Variants in MYT1L observed in about 807,000 individuals in gnomAD.
MYT1L encodes myelin transcription factor 1-like protein.
A neutral mutation model predicts 126.7 loss-of-function variants in MYT1L; 12 were observed. The ratio of observed to expected loss-of-function variants is 0.09; its 90% CI spans 0.06 to 0.15. The LOEUF is 0.15. Ranked by LOEUF, MYT1L falls within the 10% of genes least tolerant of loss-of-function variation. The probability of loss-of-function intolerance (pLI) is 1.00; values close to 1 mark genes in which losing one functional copy is unlikely to be tolerated. For missense variants in MYT1L, 979 were observed against 1,585.2 expected (o/e 0.62, Z 6.49); for synonymous variants, 541 against 604.2 (o/e 0.90, Z 1.53).
intron 11 of MYT1L, among the ~76,000 whole-genome samples, chr2:1,914,984 C>T (rs1461200107): frequency 6.6e-6 from 1 of 152,050 alleles, no homozygotes; most frequent in Non-Finnish European, 1.5e-5. Flanking sequence ...TTCTCCATCC[C>T]GCCTAGACCA....
intron 3 of MYT1L, among the ~76,000 whole-genome samples, chr2:2,141,688 A>G (rs946662403): frequency 6.6e-6 from 1 of 152,194 alleles, no homozygotes; most frequent in African/African-American, 2.4e-5. Flanking sequence ...AAGAGTGCTC[A>G]CTCTTTGAGG....
chr2:2,264,893 A>G (rs1313138037), intron 2 of MYT1L, among the ~76,000 whole-genome samples: 3 of 152,208 alleles, frequency 2.0e-5, no homozygotes, highest in Non-Finnish European at 4.4e-5. Flanking sequence ...ATGAATGTTA[A>G]AGGGGATGCA....
intron 1 of MYT1L, chr2:2,325,127 T>C (rs1478840045): frequency 6.6e-6 from 1 of 152,402 alleles, no homozygotes; most frequent in African/African-American, 2.4e-5. Flanking sequence ...ATTGATGTTA[T>C]GGTAAATTCA....
intron 3 of MYT1L, among the ~76,000 whole-genome samples, chr2:2,130,217 C>G (rs559702161): frequency 1.3e-5 from 2 of 152,028 alleles, no homozygotes; most frequent in Admixed American, 1.3e-4. Flanking sequence ...GCACGAGGAG[C>G]TGAGGTAATG....
At chr2:1,902,919 G>C in intron 14 of MYT1L, 161 bp downstream of exon 14, 3 of 648,286 alleles carry the variant, frequency 4.6e-6, no homozygotes, top group Non-Finnish European at 8.1e-6. Flanking sequence ...GTGTGGACCT[G>C]AGGGGCTTTC....
In MYT1L at chr2:1,791,380, T is replaced by C. The variant is rs892006881; in HGVS notation, c.*487A>G. 1 of 413,258 alleles carries C rather than the reference T, an allele frequency of 2.4e-6. No individual in the cohort carries two copies. The highest frequency in any genetic ancestry group is 4.9e-6 in the Non-Finnish European group (1 of 203,390). 25.6% of individuals were successfully genotyped at this position (413,258 alleles called of 1,614,324 possible). ...TGCACACAAAATGTATTTCTTAAAT[T>C]CCATAAAGTCCTCCAACATGAGGCA... On this transcript the variant is annotated 3_prime_UTR_variant, in exon 25 of 25. Coordinates refer to ENST00000647738, the MANE Select transcript of MYT1L (RefSeq NM_001303052.2). This position sits in a 1 kb window ranked among gnomAD's most constrained non-coding sequence, Gnocchi z 6.0.
chr2:2,080,602 T>C (rs1445022910), intron 3 of MYT1L, among the ~76,000 whole-genome samples: 2 of 152,154 alleles, frequency 1.3e-5, no homozygotes, highest in African/African-American at 4.8e-5. Context: ...GTTTGTCATC[T>C]GGGAAATGCA....
chr2:2,103,265 C>T (rs2078321466), intron 3 of MYT1L, among the ~76,000 whole-genome samples: 1 of 152,186 alleles, frequency 6.6e-6, no homozygotes, highest in Non-Finnish European at 1.5e-5. Context: ...AATTAATCAT[C>T]CTTGGTCACA....
At chr2:1,835,694 C>T (rs779115877) in intron 21 of MYT1L, among the ~76,000 whole-genome samples, 1 of 152,156 alleles carries the variant, frequency 6.6e-6, no homozygotes, top group African/African-American at 2.4e-5. Flanking sequence ...TGCTGGTCAC[C>T]GGGCAAACAC....
chr2:2,314,968 A>T (rs900389162), intron 1 of MYT1L, among the ~76,000 whole-genome samples: 4 of 152,232 alleles, frequency 2.6e-5, no homozygotes, highest in African/African-American at 9.6e-5. Context: ...AAAACTGGCT[A>T]GCCATATGCA....
chr2:2,242,747 T>C (rs1302865077), intron 2 of MYT1L, among the ~76,000 whole-genome samples: 2 of 152,188 alleles, frequency 1.3e-5, no homozygotes, highest in Admixed American at 6.5e-5. Flanking sequence ...GTTTTTGGTC[T>C]AGTGAGTGGG....
At chr2:2,129,917 A>C (rs1300800705) in intron 3 of MYT1L, among the ~76,000 whole-genome samples, 5 of 151,866 alleles carry the variant, frequency 3.3e-5, no homozygotes. Context: ...AAAAAAAAAA[A>C]AAAATTAACT....
At chr2:2,061,168 T>G (rs1315817376) in intron 3 of MYT1L, among the ~76,000 whole-genome samples, 1 of 152,164 alleles carries the variant, frequency 6.6e-6, no homozygotes, top group African/African-American at 2.4e-5. Context: ...TTCTCAGGGT[T>G]CCTTATGCTT....
chr2:1,965,332 T>C (rs1254956578), intron 8 of MYT1L, among the ~76,000 whole-genome samples: 1 of 144,642 alleles, frequency 6.9e-6, no homozygotes, highest in Non-Finnish European at 1.5e-5. Context: ...CTCTGTGACT[T>C]GCAGGGACCA....
chr2:2,139,322 T>C (rs549387835), intron 3 of MYT1L, among the ~76,000 whole-genome samples: 226 of 152,094 alleles, frequency 1.5e-3, no homozygotes, highest in Non-Finnish European at 2.2e-3. Flanking sequence ...GAGTTACAAA[T>C]GAATGTGCAT....
At chr2:1,907,336 T>A (rs1202182243) in intron 13 of MYT1L, among the ~76,000 whole-genome samples, 1 of 151,942 alleles carries the variant, frequency 6.6e-6, no homozygotes, top group Non-Finnish European at 1.5e-5. Context: ...GGCGGTGTGG[T>A]AAGAAAACAT....
At chr2:2,092,120 T>C (rs547471933) in intron 3 of MYT1L, among the ~76,000 whole-genome samples, 15 of 152,346 alleles carry the variant, frequency 9.8e-5, no homozygotes, top group African/African-American at 3.1e-4. Context: ...GCACAAGAAA[T>C]CTAGCTTTTG....
intron 19 of MYT1L, among the ~76,000 whole-genome samples, chr2:1,846,509 G>C (rs570339205): frequency 6.6e-6 from 1 of 152,170 alleles, no homozygotes; most frequent in African/African-American, 2.4e-5. Flanking sequence ...GAAAGGCTGG[G>C]GGTGAGCACA....
At chr2:1,830,371 C>A (rs1047721815) in intron 21 of MYT1L, among the ~76,000 whole-genome samples, 1 of 152,144 alleles carries the variant, frequency 6.6e-6, no homozygotes, top group South Asian at 2.1e-4. Context: ...GGTTGGTATG[C>A]GGAGGTGCTT....
Sources: gnomAD v4.1 joint callset for allele counts (sites outside exome capture counted in the v4.1 genomes callset) on GRCh38, gnomAD v4.1.1 for gene constraint, Gnocchi (gnomAD v3.1) non-coding constraint, MANE v1.5 for transcripts, NCBI Gene and HGNC (gene_info 2026-07-23, HGNC 2026-07-21) for gene names.